Variants in ARMH3 observed in about 807,000 individuals in gnomAD.
The protein encoded by ARMH3 is armadillo-like helical domain-containing protein 3.
ARMH3 carries 60 observed loss-of-function variants against 99.1 expected under a neutral mutation model. The ratio of observed to expected loss-of-function variants is 0.61; its 90% CI spans 0.49 to 0.75. The LOEUF (loss-of-function observed/expected upper bound fraction) is 0.75, where lower values mean the gene tolerates loss of function less well. Among genes scored for constraint, ARMH3 ranks in the 30% least tolerant of loss-of-function variants. ARMH3 has a pLI of 0.00. For missense variants in ARMH3, 679 were observed against 843.1 expected, an observed-to-expected ratio of 0.81 and a Z score of 2.41; for synonymous variants, 285 against 292.8, an observed-to-expected ratio of 0.97 and a Z score of 0.27.
chr10:101,920,116 T>C (rs193055179), intron 23 of ARMH3, among the ~76,000 whole-genome samples: 14 of 152,216 alleles, frequency 9.2e-5, no homozygotes, highest in Non-Finnish European at 2.1e-4. Flanking sequence ...GTCACTAAGA[T>C]GAGTGAGACA....
chr10:101,904,898 G>A (rs933985148), intron 23 of ARMH3, among the ~76,000 whole-genome samples: 3 of 146,918 alleles, frequency 2.0e-5, no homozygotes, highest in South Asian at 2.2e-4. Context: ...GTTGCAGTGA[G>A]CCAAGATCAC....
At chr10:101,924,974 TAG>T (rs1437864444) in intron 23 of ARMH3, among the ~76,000 whole-genome samples, 3 of 151,996 alleles carry the variant, frequency 2.0e-5, no homozygotes, top group Non-Finnish European at 2.9e-5. Flanking sequence ...GGCCTGGCAA[TAG>T]AGAGAGACTC....
At chr10:101,981,499 G>A (rs1015237301) in intron 19 of ARMH3, among the ~76,000 whole-genome samples, 1 of 152,116 alleles carries the variant, frequency 6.6e-6, no homozygotes. Flanking sequence ...ACGTACCAAG[G>A]ATACAAGTGA....
In ARMH3 at chr10:102,011,813, G is replaced by A. The variant is rs369298814; in HGVS notation, c.771-30C>T. ...ACAAAAAGAACTAAATTCAACTTTA[G>A]GATTGTTTATCAATTATGTCTTTGT... On this transcript the variant is annotated intron_variant, in intron 10 of 25. Coordinates refer to ENST00000370033, the MANE Select transcript of ARMH3 (RefSeq NM_024541.3). 6.4e-6 allele frequency: 10 copies of A among 1,560,590 alleles called. No individual in the cohort carries two copies. The African/African-American group carries it at 1.4e-4, about 21-fold the overall frequency.
At chr10:101,904,777 C>A (rs2068063610) in intron 23 of ARMH3, among the ~76,000 whole-genome samples, 1 of 151,772 alleles carries the variant, frequency 6.6e-6, no homozygotes, top group African/African-American at 2.4e-5. Flanking sequence ...CATGGTAAAA[C>A]CCTGTCTCTA....
At chr10:101,925,889 C>A (rs1843490500) in intron 23 of ARMH3, among the ~76,000 whole-genome samples, 1 of 151,984 alleles carries the variant, frequency 6.6e-6, no homozygotes, top group Non-Finnish European at 1.5e-5. Flanking sequence ...CCAGCCTGGG[C>A]AACAGAGCAA....
chr10:101,869,902 G>A (rs1156829358), intron 24 of ARMH3, among the ~76,000 whole-genome samples: 1 of 152,080 alleles, frequency 6.6e-6, no homozygotes, highest in African/African-American at 2.4e-5. Context: ...GTGTGGTGGC[G>A]GAAGCCTGTA....
At chr10:101,922,599 T>C (rs1028215489) in intron 23 of ARMH3, among the ~76,000 whole-genome samples, 2 of 152,190 alleles carry the variant, frequency 1.3e-5, no homozygotes, top group South Asian at 2.1e-4. Context: ...GTTCATTCTA[T>C]GTCAAGTTTT....
chr10:101,890,040 T>A (rs2067649530), intron 23 of ARMH3, among the ~76,000 whole-genome samples: 1 of 152,090 alleles, frequency 6.6e-6, no homozygotes, highest in Admixed American at 6.6e-5. Context: ...AATTACCTAG[T>A]CTTATCAAAT....
chr10:101,945,986 G>GGCAGAA, intron 22 of ARMH3, among the ~76,000 whole-genome samples: 1 of 147,026 alleles, frequency 6.8e-6, no homozygotes, highest in African/African-American at 2.5e-5. Flanking sequence ...GGGAGAATGA[G>GGCAGAA]GCAGAAGAAT....
chr10:101,990,116 T>C (rs1846713096), intron 19 of ARMH3, among the ~76,000 whole-genome samples: 1 of 152,136 alleles, frequency 6.6e-6, no homozygotes, highest in Non-Finnish European at 1.5e-5. Context: ...CCAGAAAATG[T>C]TCCCTAACAC....
intron 19 of ARMH3, among the ~76,000 whole-genome samples, chr10:101,981,880 G>A (rs1010645493): frequency 3.3e-5 from 5 of 151,972 alleles, no homozygotes; most frequent in Admixed American, 2.6e-4. Context: ...TTAGCTGGGC[G>A]CGGTGGTGGG....
At chr10:101,882,230 G>A (rs1305873458) in intron 24 of ARMH3, among the ~76,000 whole-genome samples, 2 of 152,210 alleles carry the variant, frequency 1.3e-5, no homozygotes, top group Non-Finnish European at 1.5e-5. Context: ...GTGACTGAAA[G>A]CTTAAGGAAT....
At chr10:101,946,724 G>C (rs982218389) in intron 22 of ARMH3, among the ~76,000 whole-genome samples, 1 of 152,124 alleles carries the variant, frequency 6.6e-6, no homozygotes, top group African/African-American at 2.4e-5. Flanking sequence ...GGAGGAGACA[G>C]AAATTGGGGC....
chr10:102,051,826 C>T (rs569764125), intron 1 of ARMH3, among the ~76,000 whole-genome samples: 91 of 152,318 alleles, frequency 6.0e-4, no homozygotes, highest in African/African-American at 2.1e-3. Context: ...ACTCAGTTTG[C>T]CTAATGTTAC....
chr10:102,030,880 G>T (rs1190019831), intron 4 of ARMH3, among the ~76,000 whole-genome samples: 1 of 151,966 alleles, frequency 6.6e-6, no homozygotes, highest in Non-Finnish European at 1.5e-5. Flanking sequence ...CCACCTCCTG[G>T]GTTCAAGTGA....
intron 8 of ARMH3, among the ~76,000 whole-genome samples, chr10:102,021,672 C>G (rs1171921238): frequency 6.6e-6 from 1 of 151,918 alleles, no homozygotes; most frequent in Non-Finnish European, 1.5e-5. Context: ...TTCAGCCTCC[C>G]GAGTAGCTGG....
chr10:101,935,559 C>T (rs1157098945), intron 23 of ARMH3, among the ~76,000 whole-genome samples: 3 of 152,148 alleles, frequency 2.0e-5, no homozygotes, highest in Non-Finnish European at 4.4e-5. Flanking sequence ...GGAGACACTA[C>T]CTTACAGTAG....
At chr10:102,006,287 C>T (rs1014559913) in intron 14 of ARMH3, among the ~76,000 whole-genome samples, 3 of 152,224 alleles carry the variant, frequency 2.0e-5, no homozygotes, top group Non-Finnish European at 2.9e-5. Flanking sequence ...AGGTCTAGCA[C>T]TCCATGCCTC....
Sources: allele counts gnomAD v4.1 joint callset (sites outside exome capture counted in the v4.1 genomes callset), GRCh38; gene constraint gnomAD v4.1.1; transcripts MANE v1.5; gene names NCBI Gene and HGNC (gene_info 2026-07-23, HGNC 2026-07-21).